The following THAP3 variants were observed in gnomAD, a reference collection of about 807,000 sequenced individuals.
THAP3 encodes THAP domain containing 3, also known as THAP domain-containing protein 3.
THAP3 carries 12 observed loss-of-function variants against 17.7 expected under a neutral mutation model. The ratio of observed to expected loss-of-function variants is 0.68; its 90% CI spans 0.43 to 1.10. The LOEUF (loss-of-function observed/expected upper bound fraction) is 1.10, where lower values mean the gene tolerates loss of function less well. Ranked by LOEUF, THAP3 falls within the 50% of genes least tolerant of loss-of-function variation. THAP3 has a pLI of 0.00. For missense variants in THAP3, 289 were observed against 318.0 expected (o/e 0.91, Z 0.69); for synonymous variants, 133 against 126.9 (o/e 1.05, Z -0.32).
intron 3 of THAP3, 30 bp from the exon 4 acceptor site, chr1:6,630,258 C>T: frequency 6.2e-7 from 1 of 1,610,324 alleles, no homozygotes; most frequent in South Asian, 1.1e-5. Flanking sequence ...TTCTTGGGGT[C>T]TGCATCCACT....
chr1:6,634,712 A>G (rs1357191915), downstream of THAP3: 1 of 1,363,830 alleles, frequency 7.3e-7, no homozygotes, highest in Non-Finnish European at 9.8e-7. Flanking sequence ...GTCTGAAGGA[A>G]GGCTCCGGAG....
Position 6,625,207 on chromosome 1 carries a change from G to T in THAP3, c.-12G>T, listed in dbSNP as rs1264089627. 6 of 1,539,750 alleles carry T rather than the reference G, an allele frequency of 3.9e-6. No homozygotes were observed. The highest frequency in any genetic ancestry group is 5.2e-6 in the Non-Finnish European group (6 of 1,144,718). ...CGCCATCTTTGTTGGGGGCAGCCAG[G>T]CCTGGCTCGAGATGCCGAAGTCGTG... On this transcript the variant is annotated 5_prime_UTR_variant, in exon 2 of 6. Transcript: ENST00000054650.
At chr1:6,634,378 G>A (rs1239529253), downstream of THAP3, 17 of 1,163,210 alleles carry the variant, frequency 1.5e-5, no homozygotes, top group Non-Finnish European at 1.8e-5. Flanking sequence ...TTACAGAATT[G>A]GACAACCCGA....
chr1:6,632,639 T>C (rs2148721793), intron 5 of THAP3, 144 bp downstream of exon 5: 1 of 1,440,116 alleles, frequency 6.9e-7, no homozygotes, highest in Middle Eastern at 1.9e-4. Flanking sequence ...CCAGTCAAAT[T>C]CTCCACCATG....
intron 4 of THAP3, among the ~76,000 whole-genome samples, chr1:6,630,974 G>C (rs1174595427): frequency 4.0e-5 from 6 of 151,760 alleles, no homozygotes; most frequent in African/African-American, 1.5e-4. Context: ...CTCCCAAAGT[G>C]CTGGGAGTAT....
chr1:6,625,967 A>G (rs570719392), intron 2 of THAP3, among the ~76,000 whole-genome samples: 28 of 152,318 alleles, frequency 1.8e-4, no homozygotes, highest in South Asian at 6.2e-4. Flanking sequence ...TGCACGAATC[A>G]TAAGTATACA....
At chr1:6,632,582 G>A (rs1487599692) in intron 5 of THAP3, 87 bp downstream of exon 5, 2 of 1,575,332 alleles carry the variant, frequency 1.3e-6, no homozygotes, top group Middle Eastern at 1.8e-4. Flanking sequence ...CCCACCATGA[G>A]ACCTGTGTGG....
Position 6,628,483 on chromosome 1 carries a change from G to C in THAP3, c.75-16G>C, listed in dbSNP as rs576416121. The stretch of plus-strand genomic sequence containing the variant: ...CCAGCCTTGCTGGGCCTCACACCCC[G>C]TGCCTCTGCCCTTAGGTTTCCGTTC... On this transcript the variant is annotated splice_polypyrimidine_tract_variant and intron_variant, in intron 2 of 5. Coordinates refer to ENST00000054650, the MANE Select transcript of THAP3 (RefSeq NM_001195753.2). 1.5e-4 allele frequency: 239 copies of C among 1,598,476 alleles called. 1 individual carries two copies. Among genetic ancestry groups the C allele is most frequent in the Non-Finnish European group, 1.6e-4 (191 of 1,173,162 alleles).
chr1:6,625,571 G>A (rs1641445996), intron 2 of THAP3, among the ~76,000 whole-genome samples: 2 of 151,406 alleles, frequency 1.3e-5, no homozygotes, highest in South Asian at 4.2e-4. Context: ...GGCCGCGGCC[G>A]GGGTTTGCTG....
At position 6,625,199 on chromosome 1, in the gene THAP3, G is replaced by A. The variant is rs764022993; in HGVS notation, c.-20G>A. On this transcript the variant is annotated 5_prime_UTR_variant, in exon 2 of 6. Transcript: ENST00000054650. ...GCCGCCGCCGCCATCTTTGTTGGGG[G>A]CAGCCAGGCCTGGCTCGAGATGCCG... 1.3e-6 allele frequency: 2 copies of A among 1,536,600 alleles called. No homozygotes were observed. Among genetic ancestry groups the A allele is most frequent in the African/African-American group, 1.4e-5 (1 of 71,408 alleles).
chr1:6,627,530 A>C (rs1296318862), intron 2 of THAP3, among the ~76,000 whole-genome samples: 1 of 152,022 alleles, frequency 6.6e-6, no homozygotes, highest in Non-Finnish European at 1.5e-5. Context: ...ACGCTGGGCT[A>C]ATTTTTGCAT....
intron 2 of THAP3, 44 bp downstream of exon 2, chr1:6,625,336 G>A (rs768558025): frequency 6.7e-7 from 1 of 1,497,206 alleles, no homozygotes; most frequent in Non-Finnish European, 8.9e-7. Flanking sequence ...CAGACCCGGG[G>A]CCCGCGGACC....
chr1:6,630,731 C>T (rs201245921), intron 4 of THAP3, among the ~76,000 whole-genome samples: 27 of 152,188 alleles, frequency 1.8e-4, no homozygotes, highest in Middle Eastern at 3.4e-3. Flanking sequence ...CTACCACGCC[C>T]GGCTAATTTT....
intron 2 of THAP3, among the ~76,000 whole-genome samples, chr1:6,625,761 GC>G (rs761080503): frequency 9.9e-5 from 15 of 152,036 alleles, no homozygotes; most frequent in Non-Finnish European, 4.4e-5. Flanking sequence ...GCCCGGCCCG[GC>G]CCGGCCCAGG....
rs371978899 is a variant in THAP3 at position 6,632,998 on chromosome 1, G to A, written c.641G>A (p.Arg214Gln). The A allele has an allele frequency of 8.1e-6, 13 of 1,612,638 alleles. No individual in the cohort carries two copies. Among genetic ancestry groups the A allele is most frequent in the African/African-American group, 5.3e-5 (4 of 74,946 alleles). ...TTGCAGGCCCAGAGGCTGGTGATGC[G>A]AAGGATGTCCAGCCGCCTCCGTGCT... ...KRLQAQRLVM[R>Q]RMSSRLRACK... Residue 214 changes from arginine to glutamine, a missense_variant, in exon 6 of 6, where the codon CGA (arginine) becomes CAA (glutamine). By Grantham distance (43) the Arg-to-Gln change is conservative (BLOSUM62 1). Coordinates refer to ENST00000054650, the MANE Select transcript of THAP3 (RefSeq NM_001195753.2).
Position 6,633,324 on chromosome 1 carries a change from C to G in THAP3, c.*247C>G, listed in dbSNP as rs888922080. ...TGACAAGCTTATCCTCCCATGGTAA[C>G]AGAAGTCCAGGCTGAGGCTGATTCT... On this transcript the variant is annotated 3_prime_UTR_variant, in exon 6 of 6. Transcript: ENST00000054650. 9 of 1,386,266 alleles carry G rather than the reference C, an allele frequency of 6.5e-6. No homozygotes were observed. The Admixed American group carries it at 2.1e-4, about 32-fold the overall frequency. The allele number at this position is 1,386,266 out of a possible 1,614,324, so 85.9% of individuals were successfully genotyped here.
Position 6,633,521 on chromosome 1 carries a change from G to T in THAP3, c.*444G>T. ...GGTTCTAAGGAGTGACTCCTGTCCC[G>T]GCCTGGTGTGAGTGGGCAGTGTAAT... On this transcript the variant is annotated 3_prime_UTR_variant, in exon 6 of 6. Transcript: ENST00000054650. 9.1e-7 allele frequency: 1 copy of T among 1,099,488 alleles called. No homozygotes were observed. Among genetic ancestry groups the T allele is most frequent in the Non-Finnish European group, 1.1e-6 (1 of 898,910 alleles). 68.1% of individuals were successfully genotyped at this position (1,099,488 alleles called of 1,614,324 possible).
rs1316281355 is a variant in THAP3 at position 6,633,465 on chromosome 1, CCCT to C, written c.*394_*396del. On this transcript the variant is annotated 3_prime_UTR_variant, in exon 6 of 6. Coordinates refer to ENST00000054650, the MANE Select transcript of THAP3 (RefSeq NM_001195753.2). Reference sequence around the variant, plus strand: ...CTGGCTCTGTGGCGGGTGAGTGGTCCCCTCCTCCATCAGCCTGGACAGCCGCTC... The same window carrying C: ...CTGGCTCTGTGGCGGGTGAGTGGTCCCCTCCATCAGCCTGGACAGCCGCTC... 15 of 1,144,484 alleles carry C rather than the reference CCCT, an allele frequency of 1.3e-5. No individual in the cohort carries two copies. In the African/African-American group the frequency reaches 1.8e-4, roughly 13 times the overall value. The allele number at this position is 1,144,484 out of a possible 1,614,324, so 70.9% of individuals were successfully genotyped here.
Position 6,632,777 on chromosome 1 carries a change from C to T in THAP3, c.439-19C>T, listed in dbSNP as rs76280583. ...CCTGCTGGTGATGCAGCTCTAGGCTCTCACTCCCCTGTCCTCAGGTCTCGC... is the reference window on the plus strand; with the variant it reads ...CCTGCTGGTGATGCAGCTCTAGGCTTTCACTCCCCTGTCCTCAGGTCTCGC... On this transcript the variant is annotated intron_variant, in intron 5 of 5. Coordinates refer to ENST00000054650, the MANE Select transcript of THAP3 (RefSeq NM_001195753.2). 47,917 of 1,612,368 alleles carry T rather than the reference C, an allele frequency of 0.03. 944 individuals are homozygous for T. The highest frequency in any genetic ancestry group is 0.066 in the East Asian group (2,963 of 44,864).
Sources: allele counts gnomAD v4.1 joint callset (sites outside exome capture counted in the v4.1 genomes callset), GRCh38; gene constraint gnomAD v4.1.1; transcripts MANE v1.5; gene names NCBI Gene and HGNC (gene_info 2026-07-23, HGNC 2026-07-21).